Variants in IKZF2 observed in about 807,000 individuals in gnomAD.
The protein encoded by IKZF2 is IKAROS family zinc finger 2.
A neutral mutation model predicts 49.2 loss-of-function variants in IKZF2; 15 were observed. That is an observed-to-expected ratio of 0.30 (90% confidence interval 0.20 to 0.47). The LOEUF (loss-of-function observed/expected upper bound fraction) is 0.47. Ranked by LOEUF, IKZF2 falls within the 20% of genes least tolerant of loss-of-function variation. The pLI, the probability that IKZF2 is intolerant of heterozygous loss-of-function variation, is 1.00. For synonymous variants in IKZF2, 227 were observed against 221.4 expected (o/e 1.03, Z -0.23); for missense variants, 567 against 664.6 (o/e 0.85, Z 1.61).
chr2:213,080,252 G>A (rs1311767246), intron 4 of IKZF2, among the ~76,000 whole-genome samples: 1 of 143,646 alleles, frequency 7.0e-6, no homozygotes, highest in South Asian at 2.2e-4. Context: ...AATATGGAAA[G>A]GGAGATTCTT....
In IKZF2 at chr2:212,999,968, A is replaced by G. The variant is rs980287882; in HGVS notation, c.*7392T>C. On this transcript the variant is annotated 3_prime_UTR_variant, in exon 9 of 9. Coordinates refer to ENST00000434687, the MANE Select transcript of IKZF2 (RefSeq NM_001387220.1). ...ACACATGCATATACAACACTCATAC[A>G]CATATACACAGTAACCACATACATG... 1.3e-5 allele frequency: 2 copies of G among 152,004 alleles called. No homozygotes were observed. Among genetic ancestry groups the G allele is most frequent in the African/African-American group, 4.8e-5 (2 of 41,356 alleles). 9.4% of individuals were successfully genotyped at this position (152,004 alleles called of 1,614,324 possible). A position where few individuals can be genotyped will look rare whatever the true frequency, so the allele number is the denominator to read the frequency against.
intron 4 of IKZF2, among the ~76,000 whole-genome samples, chr2:213,076,133 C>G (rs1703235621): frequency 6.6e-6 from 1 of 151,350 alleles, no homozygotes; most frequent in Admixed American, 6.6e-5. Flanking sequence ...TTTTTTTAAA[C>G]AGGCAGGGAA....
upstream of IKZF2, among the ~76,000 whole-genome samples, chr2:213,151,767 G>A (rs1559340065): frequency 6.8e-6 from 1 of 146,466 alleles, no homozygotes. Context: ...GGGCAGCGGA[G>A]CCCCGGGCGC....
chr2:213,059,371 G>C (rs916295808), intron 4 of IKZF2, among the ~76,000 whole-genome samples: 3 of 151,598 alleles, frequency 2.0e-5, no homozygotes, highest in African/African-American at 4.8e-5. Flanking sequence ...AAAGTCTTCA[G>C]TTATGGCTCC....
At chr2:213,057,377 G>A (rs1027414544) in intron 4 of IKZF2, among the ~76,000 whole-genome samples, 2 of 152,006 alleles carry the variant, frequency 1.3e-5, no homozygotes, top group African/African-American at 4.8e-5. Flanking sequence ...TTTTAAACAA[G>A]TTTTTTTAAT....
intron 8 of IKZF2, among the ~76,000 whole-genome samples, chr2:213,013,384 C>A (rs1213064232): frequency 3.6e-5 from 5 of 138,922 alleles, no homozygotes; most frequent in African/African-American, 1.0e-4. Flanking sequence ...TAATGGGACA[C>A]TAGGCATAAA....
intron 4 of IKZF2, among the ~76,000 whole-genome samples, chr2:213,068,814 A>G (rs1702394828): frequency 6.6e-6 from 1 of 151,954 alleles, no homozygotes; most frequent in Non-Finnish European, 1.5e-5. Flanking sequence ...TAAGCAATAA[A>G]TGTTAGCTAC....
chr2:213,066,309 C>A (rs149705865), intron 4 of IKZF2, among the ~76,000 whole-genome samples: 37 of 152,100 alleles, frequency 2.4e-4, no homozygotes, highest in African/African-American at 8.2e-4. Flanking sequence ...GGATTTCTAT[C>A]ACTGGGCAAC....
At chr2:213,022,158 C>A in intron 6 of IKZF2, 28 bp from the exon 7 acceptor site, 1 of 1,543,442 alleles carries the variant, frequency 6.5e-7, no homozygotes, top group Non-Finnish European at 8.7e-7. Context: ...GGTCAGTGTG[C>A]TGTTAGTCTC....
At chr2:213,080,768 T>C (rs756874482) in intron 4 of IKZF2, among the ~76,000 whole-genome samples, 15 of 152,126 alleles carry the variant, frequency 9.9e-5, no homozygotes, top group Non-Finnish European at 2.1e-4. Context: ...GGTTTAATGA[T>C]ACCACACATA....
At chr2:213,139,238 G>GA (rs889373221) in intron 4 of IKZF2, among the ~76,000 whole-genome samples, 8 of 149,520 alleles carry the variant, frequency 5.4e-5, no homozygotes, top group Admixed American at 2.0e-4. Flanking sequence ...AAGCCAAGGG[G>GA]AAAAAAAAAT....
rs768178084 is a variant in IKZF2 at position 213,000,823 on chromosome 2, G to A, written c.*6537C>T. On this transcript the variant is annotated 3_prime_UTR_variant, in exon 9 of 9. Transcript: ENST00000434687. ...TTAGGTTCTTAATTTAGAGCATTGGGCGAGGGTCTAAGAAGATTCAATCTG... is the reference window on the plus strand; with the variant it reads ...TTAGGTTCTTAATTTAGAGCATTGGACGAGGGTCTAAGAAGATTCAATCTG... The A allele has an allele frequency of 3.3e-5, 5 of 151,522 alleles. No homozygotes were observed. Among genetic ancestry groups the A allele is most frequent in the Non-Finnish European group, 5.9e-5 (4 of 67,582 alleles). The allele number at this position is 151,522 out of a possible 1,614,324, so 9.4% of individuals were successfully genotyped here. A position where few individuals can be genotyped will look rare whatever the true frequency, so the allele number is the denominator to read the frequency against.
At chr2:213,056,685 G>A in intron 5 of IKZF2, 148 bp downstream of exon 5, 1 of 947,492 alleles carries the variant, frequency 1.1e-6, no homozygotes, top group Non-Finnish European at 1.6e-6. Context: ...GCTACTCTCT[G>A]TTTTTCTGCA....
intron 4 of IKZF2, among the ~76,000 whole-genome samples, chr2:213,103,967 AG>A: frequency 6.6e-6 from 1 of 152,314 alleles, no homozygotes; most frequent in Non-Finnish European, 1.5e-5. Flanking sequence ...TCAATTAAAA[AG>A]ATTTTTAGTA....
chr2:213,128,898 C>T (rs1003742864), intron 4 of IKZF2, among the ~76,000 whole-genome samples: 3 of 150,918 alleles, frequency 2.0e-5, no homozygotes, highest in African/African-American at 4.9e-5. Context: ...GTGATCCACC[C>T]GTCTCGGCCT....
At chr2:213,118,937 A>C (rs946632976) in intron 4 of IKZF2, among the ~76,000 whole-genome samples, 11 of 152,210 alleles carry the variant, frequency 7.2e-5, no homozygotes, top group Non-Finnish European at 1.5e-4. Flanking sequence ...AGACATCTCT[A>C]TTAAAGCATT....
chr2:213,080,198 A>ATAGATAGATAGATAGATAGATAGGTAGG (rs142164690), intron 4 of IKZF2, among the ~76,000 whole-genome samples: 2 of 151,732 alleles, frequency 1.3e-5, no homozygotes, highest in African/African-American at 4.8e-5. Flanking sequence ...AGATAGATAG[A>ATAGATAGATAGATAGATAGATAGGTAGG]TAGATAGATA....
At chr2:213,135,029 G>A (rs189387610) in intron 4 of IKZF2, among the ~76,000 whole-genome samples, 5 of 151,794 alleles carry the variant, frequency 3.3e-5, no homozygotes, top group East Asian at 3.9e-4. Flanking sequence ...AGTTATTTTC[G>A]CAGGTCCTAC....
At chr2:213,017,927 T>C (rs1039578493) in intron 7 of IKZF2, among the ~76,000 whole-genome samples, 1 of 152,140 alleles carries the variant, frequency 6.6e-6, no homozygotes, top group Non-Finnish European at 1.5e-5. Flanking sequence ...ATTCAATGGA[T>C]GTTCACTGAA....
Sources: gnomAD v4.1 joint callset for allele counts (sites outside exome capture counted in the v4.1 genomes callset) on GRCh38, gnomAD v4.1.1 for gene constraint, MANE v1.5 for transcripts, NCBI Gene and HGNC (gene_info 2026-07-23, HGNC 2026-07-21) for gene names.